The following R3HDM2 variants were observed in gnomAD, a reference collection of about 807,000 sequenced individuals.
The protein encoded by R3HDM2 is R3H domain containing 2.
R3HDM2 carries 38 observed loss-of-function variants against 124.5 expected under a neutral mutation model. The ratio of observed to expected loss-of-function variants is 0.31; its 90% CI spans 0.24 to 0.40. The LOEUF is 0.40. Ranked by LOEUF, R3HDM2 falls within the 10% of genes least tolerant of loss-of-function variation. The pLI is 1.00. For missense variants in R3HDM2, 869 were observed against 1,236.9 expected, an observed-to-expected ratio of 0.70 and a Z score of 4.46; for synonymous variants, 391 against 448.0, an observed-to-expected ratio of 0.87 and a Z score of 1.61.
intron 1 of R3HDM2, chr12:57,418,400 C>T (rs1465081341): frequency 1.3e-5 from 12 of 926,492 alleles, no homozygotes; most frequent in African/African-American, 5.4e-5. Context: ...ACGGTGGTTG[C>T]GCAGGCTGCC....
At chr12:57,295,557 G>T in intron 9 of R3HDM2, 50 bp from the exon 10 acceptor site, 1 of 1,341,496 alleles carries the variant, frequency 7.5e-7, no homozygotes, top group Non-Finnish European at 1.0e-6. Flanking sequence ...AGACCGTTTT[G>T]TTAGGAAGCA....
intron 14 of R3HDM2, among the ~76,000 whole-genome samples, chr12:57,274,543 A>C (rs2044260170): frequency 6.6e-6 from 1 of 152,204 alleles, no homozygotes; most frequent in South Asian, 2.1e-4. Flanking sequence ...TTCTGACTAA[A>C]GAGTAAAGTG....
At chr12:57,373,596 G>C (rs913352926) in intron 2 of R3HDM2, among the ~76,000 whole-genome samples, 4 of 151,942 alleles carry the variant, frequency 2.6e-5, no homozygotes, top group African/African-American at 4.8e-5. Flanking sequence ...GATCACCTGA[G>C]GTCGGGAGTT....
intron 1 of R3HDM2, among the ~76,000 whole-genome samples, chr12:57,427,827 G>A (rs1046748379): frequency 2.0e-5 from 3 of 150,790 alleles, no homozygotes; most frequent in African/African-American, 7.3e-5. Flanking sequence ...TTTGGGCCAG[G>A]CGCAGTGGCT....
intron 19 of R3HDM2, among the ~76,000 whole-genome samples, chr12:57,261,872 G>A (rs188008240): frequency 5.3e-5 from 8 of 151,574 alleles, no homozygotes; most frequent in African/African-American, 1.5e-4. Flanking sequence ...GGTTGAATAA[G>A]GAAATCAATT....
chr12:57,417,563 T>C (rs775208136), intron 1 of R3HDM2, among the ~76,000 whole-genome samples: 3 of 152,224 alleles, frequency 2.0e-5, no homozygotes, highest in Admixed American at 6.5e-5. Context: ...ATGTATAATT[T>C]GTTACTATAC....
chr12:57,371,082 A>ATTTTTTTTTTT (rs1491062795), intron 2 of R3HDM2, among the ~76,000 whole-genome samples: 4 of 50,798 alleles, frequency 7.9e-5, no homozygotes, highest in Non-Finnish European at 1.2e-4. Flanking sequence ...ATATACCATT[A>ATTTTTTTTTTT]CTTTTTTTTT....
At chr12:57,324,041 A>G (rs1431551425) in intron 2 of R3HDM2, among the ~76,000 whole-genome samples, 1 of 135,212 alleles carries the variant, frequency 7.4e-6, no homozygotes, top group Admixed American at 7.0e-5. Context: ...CTGGAAAAGG[A>G]AAAAAAAAAT....
chr12:57,419,466 G>A (rs2069978454), intron 1 of R3HDM2, among the ~76,000 whole-genome samples: 1 of 150,988 alleles, frequency 6.6e-6, no homozygotes, highest in African/African-American at 2.4e-5. Flanking sequence ...TTTAGAGACA[G>A]GGTCTCACTC....
chr12:57,283,716 GCAA>G (rs753504709), intron 13 of R3HDM2, 105 bp downstream of exon 13: 164 of 1,107,964 alleles, frequency 1.5e-4, no homozygotes, highest in Non-Finnish European at 2.1e-4. Flanking sequence ...TCCAGCCTGG[GCAA>G]CAGAGGAGAC....
intron 2 of R3HDM2, among the ~76,000 whole-genome samples, chr12:57,378,113 A>G (rs1566409122): frequency 6.6e-6 from 1 of 152,136 alleles, no homozygotes; most frequent in Non-Finnish European, 1.5e-5. Flanking sequence ...AAAAACAAAC[A>G]AACAAAAAAC....
At chr12:57,429,580 G>A (rs1157818302) in intron 1 of R3HDM2, among the ~76,000 whole-genome samples, 3 of 151,990 alleles carry the variant, frequency 2.0e-5, no homozygotes, top group Non-Finnish European at 4.4e-5. Context: ...AGGAGTGGTG[G>A]CTCATGCCTG....
intron 1 of R3HDM2, among the ~76,000 whole-genome samples, chr12:57,429,269 G>A (rs1418645560): frequency 2.6e-5 from 4 of 151,992 alleles, no homozygotes. Flanking sequence ...TGGACACAAA[G>A]ACAAATGGAA....
At chr12:57,326,668 AAAC>A (rs1191717514) in intron 2 of R3HDM2, among the ~76,000 whole-genome samples, 3 of 152,358 alleles carry the variant, frequency 2.0e-5, no homozygotes, top group Admixed American at 6.5e-5. Context: ...TGGCTACATT[AAAC>A]AATAATTTCA....
At chr12:57,388,027 G>T (rs2066116412) in intron 2 of R3HDM2, among the ~76,000 whole-genome samples, 1 of 152,036 alleles carries the variant, frequency 6.6e-6, no homozygotes, top group Non-Finnish European at 1.5e-5. Context: ...TGCAATGGCG[G>T]GATATCAGCT....
At chr12:57,385,934 GA>G (rs1207745074) in intron 2 of R3HDM2, among the ~76,000 whole-genome samples, 1 of 152,108 alleles carries the variant, frequency 6.6e-6, no homozygotes, top group Non-Finnish European at 1.5e-5. Flanking sequence ...GCATTTTCCA[GA>G]AGATATATGA....
At chr12:57,369,713 T>C (rs1249497975) in intron 2 of R3HDM2, among the ~76,000 whole-genome samples, 2 of 152,162 alleles carry the variant, frequency 1.3e-5, no homozygotes, top group Non-Finnish European at 2.9e-5. Flanking sequence ...CATGGTAAGA[T>C]GGATGAGGGC....
At chr12:57,345,431 G>A (rs150495021) in intron 2 of R3HDM2, among the ~76,000 whole-genome samples, 16 of 151,218 alleles carry the variant, frequency 1.1e-4, no homozygotes, top group African/African-American at 3.6e-4. Context: ...AATCTTGAAG[G>A]CAACCAAAAT....
chr12:57,411,767 C>A (rs973461619), intron 1 of R3HDM2, among the ~76,000 whole-genome samples: 29 of 152,156 alleles, frequency 1.9e-4, no homozygotes, highest in Admixed American at 9.8e-4. Flanking sequence ...TATGCTCCAA[C>A]AGAAACATTC....
Sources: gnomAD v4.1 joint callset for allele counts (sites outside exome capture counted in the v4.1 genomes callset) on GRCh38, gnomAD v4.1.1 for gene constraint, MANE v1.5 for transcripts, NCBI Gene and HGNC (gene_info 2026-07-23, HGNC 2026-07-21) for gene names.